The following SLC34A2 variants were observed in gnomAD, a reference collection of about 807,000 sequenced individuals.
The protein encoded by SLC34A2 is solute carrier family 34 member 2.
In SLC34A2, 41 loss-of-function variants were observed where a neutral mutation model predicts 50.8. The ratio of observed to expected loss-of-function variants is 0.81; its 90% CI spans 0.63 to 1.05. SLC34A2 has a LOEUF of 1.05. Ranked by LOEUF, SLC34A2 falls within the 50% of genes least tolerant of loss-of-function variation. The pLI is 0.00. For synonymous variants in SLC34A2, 401 were observed against 364.2 expected, an observed-to-expected ratio of 1.10 and a Z score of -1.15; for missense variants, 879 against 876.7, an observed-to-expected ratio of 1.00 and a Z score of -0.03.
intron 8 of SLC34A2, 116 bp from the exon 9 acceptor site, chr4:25,671,485 G>A: frequency 1.7e-6 from 2 of 1,199,308 alleles, no homozygotes; most frequent in South Asian, 2.4e-5. Flanking sequence ...TTCTGTTGGG[G>A]CCATACTGCA....
rs533341501 is a variant in SLC34A2, at chr4:25,663,030, A to C, written c.250+188A>C. On this transcript the variant is annotated intron_variant, in intron 3 of 12. Transcript: ENST00000382051. The stretch of plus-strand genomic sequence containing the variant: ...TGCTCTGTCACCCAGGCTGGAGTGC[A>C]GTGGTGCGATATTGGCTCACTGCAA... 6.6e-5 allele frequency among the ~76,000 whole-genome samples: 10 copies of C among 151,680 alleles called. No individual in the cohort carries two copies. In the East Asian group the frequency reaches 1.9e-3, roughly 29 times the overall value.
At chr4:25,660,600 C>T (rs913093254) in intron 1 of SLC34A2, among the ~76,000 whole-genome samples, 1 of 152,142 alleles carries the variant, frequency 6.6e-6, no homozygotes, top group Non-Finnish European at 1.5e-5. Flanking sequence ...GGCTGGGGTG[C>T]AATGATGTGA....
At chr4:25,664,895 T>G (rs1371877090) in intron 4 of SLC34A2, 1 of 233,128 alleles carries the variant, frequency 4.3e-6, no homozygotes, top group Non-Finnish European at 8.4e-6. Flanking sequence ...CAGCACTCCG[T>G]CTACTGGGTG....
chr4:25,674,736 A>G, intron 12 of SLC34A2, 107 bp downstream of exon 12: 1 of 1,444,922 alleles, frequency 6.9e-7, no homozygotes, highest in Non-Finnish European at 9.5e-7. Flanking sequence ...TATCCAAAAT[A>G]TGGAACTAAT....
intron 11 of SLC34A2, 24 bp from the exon 12 acceptor site, chr4:25,674,481 G>GT: frequency 6.2e-7 from 1 of 1,614,204 alleles, no homozygotes; most frequent in Non-Finnish European, 8.5e-7. Context: ...GGGCTGATAT[G>GT]TTTGTGTTTT....
chr4:25,667,383 A>G (rs1346989472), intron 5 of SLC34A2, among the ~76,000 whole-genome samples: 1 of 152,216 alleles, frequency 6.6e-6, no homozygotes, highest in African/African-American at 2.4e-5. Flanking sequence ...GTGGTGGTGC[A>G]TGCCTCCAGT....
intron 9 of SLC34A2, 35 bp downstream of exon 9, chr4:25,671,756 G>A: frequency 6.2e-7 from 1 of 1,614,024 alleles, no homozygotes; most frequent in Non-Finnish European, 8.5e-7. Context: ...CACTATGACA[G>A]GTGTTGTCTG....
At chr4:25,659,733 T>A (rs1261680034) in intron 1 of SLC34A2, among the ~76,000 whole-genome samples, 1 of 152,196 alleles carries the variant, frequency 6.6e-6, no homozygotes, top group Non-Finnish European at 1.5e-5. Context: ...GGCAGGCCTC[T>A]GCAGAGCCAG....
intron 6 of SLC34A2, among the ~76,000 whole-genome samples, chr4:25,669,436 G>A (rs1304415273): frequency 6.6e-6 from 1 of 152,180 alleles, no homozygotes; most frequent in Non-Finnish European, 1.5e-5. Flanking sequence ...CATGCTTGCT[G>A]GCCCGCAGCT....
At chr4:25,670,116 G>C (rs1045568389) in intron 7 of SLC34A2, among the ~76,000 whole-genome samples, 3 of 152,200 alleles carry the variant, frequency 2.0e-5, no homozygotes, top group African/African-American at 7.2e-5. Context: ...CCAGCTATGT[G>C]GGGGCTGAGA....
At chr4:25,665,613 G>A (rs940475564) in intron 4 of SLC34A2, among the ~76,000 whole-genome samples, 1 of 152,086 alleles carries the variant, frequency 6.6e-6, no homozygotes, top group African/African-American at 2.4e-5. Flanking sequence ...ATGGTCTCAG[G>A]TACACTCTTG....
At chr4:25,656,198 G>A (rs577147490) in intron 1 of SLC34A2, among the ~76,000 whole-genome samples, 1 of 152,302 alleles carries the variant, frequency 6.6e-6, no homozygotes, top group Non-Finnish European at 1.5e-5. Flanking sequence ...AGGCCCAGGG[G>A]ATAGAAATCT....
intron 6 of SLC34A2, 51 bp downstream of exon 6, chr4:25,668,042 C>T (rs780353607): frequency 8.4e-7 from 1 of 1,190,554 alleles, no homozygotes; most frequent in Non-Finnish European, 1.3e-6. Context: ...TGTTCTTGGC[C>T]ACGCTGTTGT....
Position 25,669,855 on chromosome 4 carries a change from C to A in SLC34A2, c.831+13C>A, listed in dbSNP as rs773511170. 6.2e-7 allele frequency: 1 copy of A among 1,611,006 alleles called. No individual in the cohort carries two copies. The highest frequency in any genetic ancestry group is 8.5e-7 in the Non-Finnish European group (1 of 1,177,252). ...GCTCATTGTCCAGGTAACTTAGCTC[C>A]TTCAGAGAGAGAAGGAGACTAACTT... On this transcript the variant is annotated intron_variant, in intron 7 of 12. Coordinates refer to ENST00000382051, the MANE Select transcript of SLC34A2 (RefSeq NM_006424.3).
chr4:25,662,848 A>G lies in SLC34A2; in HGVS notation c.250+6A>G. ...CTCGGGGATCAAGTGGTCAGGTAAAAGTGAGGCCAGCTGAGACATTCAGGA... is the reference window on the plus strand; with the variant it reads ...CTCGGGGATCAAGTGGTCAGGTAAAGGTGAGGCCAGCTGAGACATTCAGGA... On this transcript the variant is annotated splice_donor_region_variant and intron_variant, in intron 3 of 12. Transcript: ENST00000382051. The G allele has an allele frequency of 6.2e-7, 1 of 1,614,002 alleles. No individual in the cohort carries two copies. Among genetic ancestry groups the G allele is most frequent in the South Asian group, 1.1e-5 (1 of 91,062 alleles).
chr4:25,664,689 A>G (rs1307927393), intron 4 of SLC34A2, among the ~76,000 whole-genome samples: 1 of 152,230 alleles, frequency 6.6e-6, no homozygotes, highest in Non-Finnish European at 1.5e-5. Flanking sequence ...AATGAGAAAG[A>G]GTGCCCTTTC....
rs148403466 is a variant in SLC34A2, at chr4:25,669,711, G to A, written c.700G>A (p.Val234Met). 6.1e-5 allele frequency: 98 copies of A among 1,614,060 alleles called. No individual in the cohort carries two copies. Among genetic ancestry groups the A allele is most frequent in the African/African-American group, 2.4e-4 (18 of 74,916 alleles). The change falls in exon 7 of 13, where the codon GTG (valine) becomes ATG (methionine). Residue 234 changes from valine (V) to methionine (M), a missense_variant. Coordinates refer to ENST00000382051, the MANE Select transcript of SLC34A2 (RefSeq NM_006424.3). The part of the protein sequence containing the change: ...NWLSVLVLLP[V>M]EVATHYLEII... ...GCTGTCCGTGTTGGTGCTCTTGCCC[G>A]TGGAGGTGGCCACCCATTACCTCGA...
chr4:25,668,017 C>T lies in SLC34A2; in HGVS notation c.635+26C>T, dbSNP rs137916250. The stretch of plus-strand genomic sequence containing the variant: ...GTAAGAGGCTCAAAACCAGCCTTTG[C>T]GACATCAGCTCTATTGTTCTTGGCC... On this transcript the variant is annotated intron_variant, in intron 6 of 12. Coordinates refer to ENST00000382051, the MANE Select transcript of SLC34A2 (RefSeq NM_006424.3). The T allele has an allele frequency of 1.2e-3, 1,649 of 1,397,838 alleles. 3 individuals are homozygous for T. The highest frequency in any genetic ancestry group is 1.5e-3 in the Non-Finnish European group (1,521 of 983,802). 86.6% of individuals were successfully genotyped at this position (1,397,838 alleles called of 1,614,324 possible). A position where few individuals can be genotyped will look rare whatever the true frequency, so the allele number is the denominator to read the frequency against.
At chr4:25,673,024 A>C (rs1714899821) in intron 9 of SLC34A2, 63 bp from the exon 10 acceptor site, 8 of 1,549,584 alleles carry the variant, frequency 5.2e-6, no homozygotes, top group Non-Finnish European at 6.2e-6. Context: ...TGGGGGAATA[A>C]ATAACAATCT....
Sources: allele counts gnomAD v4.1 joint callset (sites outside exome capture counted in the v4.1 genomes callset), GRCh38; gene constraint gnomAD v4.1.1; transcripts MANE v1.5; gene names NCBI Gene and HGNC (gene_info 2026-07-23, HGNC 2026-07-21).